Variants in CDK5RAP2 observed in about 807,000 individuals in gnomAD.
CDK5RAP2 encodes CDK5 regulatory subunit-associated protein 2.
Under a neutral mutation model 232.9 loss-of-function variants are expected in CDK5RAP2, and 147 were observed. The observed-to-expected ratio is 0.63, with a 90% CI of 0.55 to 0.72. The LOEUF (loss-of-function observed/expected upper bound fraction) is 0.72, where lower values mean the gene tolerates loss of function less well. Ranked by LOEUF, CDK5RAP2 falls within the 30% of genes least tolerant of loss-of-function variation. The pLI is 0.00. For missense variants in CDK5RAP2, 2,195 were observed against 2,231.5 expected (o/e 0.98, Z 0.33); for synonymous variants, 833 against 833.7 (o/e 1.00, Z 0.01).
chr9:120,436,293 G>A (rs575062418), intron 25 of CDK5RAP2, among the ~76,000 whole-genome samples: 6 of 152,210 alleles, frequency 3.9e-5, no homozygotes, highest in African/African-American at 7.2e-5. Flanking sequence ...ATCCCAAAGC[G>A]AGGGGCTAGC....
chr9:120,428,956 C>T (rs1011248789), intron 25 of CDK5RAP2, among the ~76,000 whole-genome samples: 2 of 151,964 alleles, frequency 1.3e-5, no homozygotes, highest in African/African-American at 2.4e-5. Flanking sequence ...GTTCAATATA[C>T]GCAAATCAAT....
chr9:120,489,512 A>T (rs1279640784), intron 13 of CDK5RAP2, among the ~76,000 whole-genome samples: 1 of 151,810 alleles, frequency 6.6e-6, no homozygotes, highest in African/African-American at 2.4e-5. Flanking sequence ...TAGTTTTCTT[A>T]ATTTTCTCTC....
intron 16 of CDK5RAP2, among the ~76,000 whole-genome samples, chr9:120,470,749 T>G (rs2037652649): frequency 1.4e-5 from 2 of 147,430 alleles, no homozygotes; most frequent in Non-Finnish European, 3.0e-5. Context: ...TGGTCACCAA[T>G]GTAAGGATCT....
chr9:120,393,261 C>A (rs1207849734), intron 36 of CDK5RAP2, among the ~76,000 whole-genome samples: 2 of 152,202 alleles, frequency 1.3e-5, no homozygotes, highest in African/African-American at 4.8e-5. Flanking sequence ...AGCCCACGAC[C>A]CTCACTGGCA....
chr9:120,538,792 T>C (rs2041503463), intron 6 of CDK5RAP2, among the ~76,000 whole-genome samples: 1 of 152,172 alleles, frequency 6.6e-6, no homozygotes, highest in Admixed American at 6.5e-5. Flanking sequence ...TTAAACGAGT[T>C]AGTACTTCTC....
chr9:120,540,325 G>A (rs1291889458), intron 5 of CDK5RAP2, among the ~76,000 whole-genome samples: 1 of 152,130 alleles, frequency 6.6e-6, no homozygotes, highest in East Asian at 1.9e-4. Context: ...CAGAAAAACT[G>A]CAACAGAACA....
At chr9:120,579,127 CCA>C (rs968861113) in intron 1 of CDK5RAP2, among the ~76,000 whole-genome samples, 23 of 152,202 alleles carry the variant, frequency 1.5e-4, no homozygotes, top group African/African-American at 5.3e-4. Flanking sequence ...ATGGGGACTC[CCA>C]CAGTCTCTTG....
At chr9:120,561,325 C>T (rs758444419) in intron 3 of CDK5RAP2, among the ~76,000 whole-genome samples, 2 of 152,002 alleles carry the variant, frequency 1.3e-5, no homozygotes, top group Non-Finnish European at 2.9e-5. Flanking sequence ...TAAACAGGGT[C>T]TCTCTCTGTC....
chr9:120,519,590 A>G lies in CDK5RAP2; in HGVS notation c.1093-945T>C, dbSNP rs185716254. On this transcript the variant is annotated intron_variant, in intron 11 of 37. Coordinates refer to ENST00000349780, the MANE Select transcript of CDK5RAP2 (RefSeq NM_018249.6). Reference sequence around the variant, plus strand: ...GCCACCGCAATCCTACACAAAAAATACTTCCACAAGGACATCTGCCCAGCA... The same window carrying G: ...GCCACCGCAATCCTACACAAAAAATGCTTCCACAAGGACATCTGCCCAGCA... Among the ~76,000 whole-genome samples, 5 of 152,342 alleles carry G rather than the reference A, an allele frequency of 3.3e-5. No homozygotes were observed. The East Asian group carries it at 9.6e-4, about 29-fold the overall frequency.
intron 7 of CDK5RAP2, among the ~76,000 whole-genome samples, chr9:120,531,098 G>C (rs939969184): frequency 2.0e-5 from 3 of 151,978 alleles, no homozygotes; most frequent in African/African-American, 7.3e-5. Context: ...CCAGATCAGA[G>C]GGCCCTGCCG....
chr9:120,550,619 C>G (rs983815357), intron 4 of CDK5RAP2, among the ~76,000 whole-genome samples, 173 bp downstream of exon 4: 2 of 152,180 alleles, frequency 1.3e-5, no homozygotes, highest in Non-Finnish European at 2.9e-5. Context: ...TCATGTACCC[C>G]TTTGCTTAAT....
intron 12 of CDK5RAP2, among the ~76,000 whole-genome samples, chr9:120,500,166 C>T (rs2039509760): frequency 6.6e-6 from 1 of 152,154 alleles, no homozygotes; most frequent in Admixed American, 6.6e-5. Flanking sequence ...ACCACATGAT[C>T]GTTATGCTGA....
At chr9:120,471,976 G>T in intron 15 of CDK5RAP2, 98 bp from the exon 16 acceptor site, 1 of 1,489,394 alleles carries the variant, frequency 6.7e-7, no homozygotes, top group Non-Finnish European at 9.3e-7. Flanking sequence ...TGTCATTTGT[G>T]TTTTTTTCTG....
At chr9:120,577,223 G>A (rs561708668) in intron 1 of CDK5RAP2, among the ~76,000 whole-genome samples, 4 of 152,190 alleles carry the variant, frequency 2.6e-5, no homozygotes, top group Non-Finnish European at 4.4e-5. Flanking sequence ...TTAGCCAGGC[G>A]TAGTGGGGCA....
intron 3 of CDK5RAP2, among the ~76,000 whole-genome samples, chr9:120,553,465 G>A (rs1180955602): frequency 6.6e-6 from 1 of 152,096 alleles, no homozygotes; most frequent in African/African-American, 2.4e-5. Context: ...ACATTTTTAA[G>A]TCTCTGCCTT....
chr9:120,476,040 T>C (rs1308531181), intron 15 of CDK5RAP2, among the ~76,000 whole-genome samples: 2 of 151,372 alleles, frequency 1.3e-5, no homozygotes, highest in African/African-American at 2.4e-5. Flanking sequence ...GGAGACAAAG[T>C]AGGGGAAAGG....
At chr9:120,579,189 C>T (rs1031857626) in intron 1 of CDK5RAP2, among the ~76,000 whole-genome samples, 1 of 152,226 alleles carries the variant, frequency 6.6e-6, no homozygotes, top group African/African-American at 2.4e-5. Flanking sequence ...TGATTCATAT[C>T]ACCTTTGATG....
At chr9:120,509,563 G>C (rs905643218) in intron 12 of CDK5RAP2, among the ~76,000 whole-genome samples, 2 of 152,212 alleles carry the variant, frequency 1.3e-5, no homozygotes, top group African/African-American at 4.8e-5. Context: ...GTGAAGCTGA[G>C]ATTGCAACCC....
intron 14 of CDK5RAP2, among the ~76,000 whole-genome samples, chr9:120,481,138 G>A (rs1446137980): frequency 2.6e-5 from 4 of 152,294 alleles, no homozygotes; most frequent in Admixed American, 6.5e-5. Flanking sequence ...ATGTGCTTAC[G>A]TGTTACTACA....
Sources: allele counts gnomAD v4.1 joint callset (sites outside exome capture counted in the v4.1 genomes callset), GRCh38; gene constraint gnomAD v4.1.1; transcripts MANE v1.5; gene names NCBI Gene and HGNC (gene_info 2026-07-23, HGNC 2026-07-21).